NELL1: variants seen among roughly 807,000 people sequenced by gnomAD.
NELL1 encodes protein kinase C-binding protein NELL1.
In NELL1, 76 loss-of-function variants were observed where a neutral mutation model predicts 107.4. The observed-to-expected ratio is 0.71, with a 90% CI of 0.59 to 0.86. NELL1 has a LOEUF of 0.86. Among genes scored for constraint, NELL1 ranks in the 40% least tolerant of loss-of-function variants. The pLI, the probability that NELL1 is intolerant of heterozygous loss-of-function variation, is 0.00. For synonymous variants in NELL1, 353 were observed against 341.2 expected, an observed-to-expected ratio of 1.03 and a Z score of -0.38; for missense variants, 1,024 against 1,005.5, an observed-to-expected ratio of 1.02 and a Z score of -0.25.
chr11:21,440,958 A>G (rs1168422129), intron 15 of NELL1, among the ~76,000 whole-genome samples: 2 of 152,196 alleles, frequency 1.3e-5, no homozygotes, highest in Non-Finnish European at 2.9e-5. Flanking sequence ...TTACCTGAGT[A>G]TGTTATTGAA....
intron 5 of NELL1, among the ~76,000 whole-genome samples, chr11:20,906,997 C>T (rs1300426617): frequency 1.3e-5 from 2 of 151,774 alleles, no homozygotes; most frequent in Admixed American, 6.6e-5. Context: ...TGCAAATGGG[C>T]AAGAAAAATA....
chr11:20,930,647 C>A (rs1850598919), intron 9 of NELL1, among the ~76,000 whole-genome samples: 2 of 152,146 alleles, frequency 1.3e-5, no homozygotes, highest in East Asian at 3.9e-4. Flanking sequence ...TTTCAAGGCC[C>A]TGGATACATA....
At chr11:20,689,143 ATTGT>A (rs1854385306) in intron 2 of NELL1, among the ~76,000 whole-genome samples, 1 of 151,744 alleles carries the variant, frequency 6.6e-6, no homozygotes, top group South Asian at 2.1e-4. Flanking sequence ...TGCTTGTTCA[ATTGT>A]TTAAGTTCCT....
chr11:21,086,556 G>A (rs534792725), intron 12 of NELL1, among the ~76,000 whole-genome samples: 1 of 152,230 alleles, frequency 6.6e-6, no homozygotes, highest in Non-Finnish European at 1.5e-5. Context: ...ATTGGCTTCT[G>A]TCGTTGGATT....
chr11:21,372,891 G>A (rs1399250438), intron 15 of NELL1, among the ~76,000 whole-genome samples: 1 of 151,962 alleles, frequency 6.6e-6, no homozygotes, highest in African/African-American at 2.4e-5. Context: ...CCTTTTCTCT[G>A]CTGAGTAAGT....
At position 20,705,554 on chromosome 11, in the gene NELL1, T is replaced by C. The variant is rs1199027096; in HGVS notation, c.184+27494T>C. On this transcript the variant is annotated intron_variant, in intron 2 of 19. Coordinates refer to ENST00000357134, the MANE Select transcript of NELL1 (RefSeq NM_006157.5). Reference sequence around the variant, plus strand: ...GACTTAAATGTTAGACCTAAAACCATAAAAACCCTAGAAGAAAACCTAGGC... The same window carrying C: ...GACTTAAATGTTAGACCTAAAACCACAAAAACCCTAGAAGAAAACCTAGGC... 7.0e-5 allele frequency among the ~76,000 whole-genome samples: 10 copies of C among 142,974 alleles called. 1 individual carries two copies. The highest frequency in any genetic ancestry group is 2.4e-4 in the African/African-American group (9 of 37,514). 93.8% of individuals were successfully genotyped at this position (142,974 alleles called of 152,430 possible).
intron 15 of NELL1, among the ~76,000 whole-genome samples, chr11:21,503,320 G>A (rs1241532712): frequency 6.6e-6 from 1 of 152,284 alleles, no homozygotes; most frequent in South Asian, 2.1e-4. Context: ...AGAGTAAATT[G>A]AATCTATACA....
intron 2 of NELL1, among the ~76,000 whole-genome samples, chr11:20,746,593 CACACACACACACACGT>C (rs1856009118): frequency 6.8e-6 from 1 of 147,580 alleles, no homozygotes; most frequent in Admixed American, 6.7e-5. Flanking sequence ...CACACACACA[CACACACACACACACGT>C]GGAATTGAAC....
chr11:21,022,753 A>G (rs1852730116), intron 12 of NELL1, among the ~76,000 whole-genome samples: 2 of 152,100 alleles, frequency 1.3e-5, no homozygotes, highest in Admixed American at 6.6e-5. Context: ...CTATCTCTAG[A>G]AAATAGAGAT....
chr11:21,270,028 T>C (rs778471469), intron 14 of NELL1, among the ~76,000 whole-genome samples: 4 of 152,018 alleles, frequency 2.6e-5, no homozygotes, highest in Non-Finnish European at 4.4e-5. Context: ...TCTGTGGCAA[T>C]CGCTTTTTGT....
At chr11:21,163,479 T>C (rs1390327435) in intron 13 of NELL1, among the ~76,000 whole-genome samples, 3 of 152,094 alleles carry the variant, frequency 2.0e-5, no homozygotes, top group African/African-American at 7.2e-5. Flanking sequence ...GTGGGTGGAA[T>C]TGTGTTACCC....
rs1564946275 is a variant in NELL1, at chr11:21,534,459, CA to C, written c.1732del (p.Arg578GlufsTer25). 1 of 1,613,878 alleles carries C rather than the reference CA, an allele frequency of 6.2e-7. No homozygotes were observed. The highest frequency in any genetic ancestry group is 8.5e-7 in the Non-Finnish European group (1 of 1,179,856). ...NLPGWYHCEC[R>X]SGFHDDGTYS... is the part of the protein sequence containing the mutation. The stretch of plus-strand genomic sequence containing the variant: ...TGCCAGGGTGGTACCACTGTGAGTG[CA>C]GAAGCGGTTTCCATGACGATGGGAC... On this transcript the variant is annotated frameshift_variant, in exon 16 of 20. Coordinates refer to ENST00000357134, the MANE Select transcript of NELL1 (RefSeq NM_006157.5). LOFTEE classifies it high-confidence loss of function.
At chr11:21,321,181 A>G (rs1850001520) in intron 14 of NELL1, among the ~76,000 whole-genome samples, 1 of 152,214 alleles carries the variant, frequency 6.6e-6, no homozygotes, top group African/African-American at 2.4e-5. Flanking sequence ...TACATGAGCA[A>G]TGGGATGCTG....
intron 15 of NELL1, among the ~76,000 whole-genome samples, chr11:21,444,379 A>G (rs1051391463): frequency 6.6e-6 from 1 of 152,264 alleles, no homozygotes; most frequent in Admixed American, 6.5e-5. Context: ...ATTTCTTGAT[A>G]TGCACAAGTT....
intron 12 of NELL1, among the ~76,000 whole-genome samples, chr11:21,053,869 A>G (rs1052326971): frequency 6.6e-6 from 1 of 152,212 alleles, no homozygotes; most frequent in Non-Finnish European, 1.5e-5. Context: ...TGTCTCTCTG[A>G]TAAACCAGAT....
intron 2 of NELL1, among the ~76,000 whole-genome samples, chr11:20,722,444 C>T (rs1855414215): frequency 6.6e-6 from 1 of 152,162 alleles, no homozygotes; most frequent in African/African-American, 2.4e-5. Flanking sequence ...ATGTATACTT[C>T]AGTTTCCTCA....
At chr11:21,473,792 A>G (rs796784713) in intron 15 of NELL1, among the ~76,000 whole-genome samples, 29 of 152,186 alleles carry the variant, frequency 1.9e-4, no homozygotes, top group African/African-American at 7.0e-4. Flanking sequence ...ATATTGCAAT[A>G]TTGGAGTCAC....
chr11:21,508,633 TA>T (rs1388473561), intron 15 of NELL1, among the ~76,000 whole-genome samples: 1 of 152,086 alleles, frequency 6.6e-6, no homozygotes, highest in Admixed American at 6.6e-5. Context: ...AATGATTATT[TA>T]AAAAAATATT....
At position 21,314,007 on chromosome 11, in the gene NELL1, C is replaced by A. The variant is rs12785285; in HGVS notation, c.1550-56846C>A. ...CCTACACTCTGCCCCCCCCCCCCCC[C>A]CCGCGACCCCCACTTGCTCCTGCTT... On this transcript the variant is annotated intron_variant, in intron 14 of 19. Transcript: ENST00000357134. 2.7e-3 allele frequency among the ~76,000 whole-genome samples: 201 copies of A among 75,836 alleles called. 9 individuals are homozygous for A. Among genetic ancestry groups the A allele is most frequent in the Middle Eastern group, 7.7e-3 (1 of 130 alleles). The allele number at this position is 75,836 out of a possible 152,430, so 49.8% of individuals were successfully genotyped here.
Sources: allele counts gnomAD v4.1 joint callset (sites outside exome capture counted in the v4.1 genomes callset), GRCh38; gene constraint gnomAD v4.1.1; transcripts MANE v1.5; gene names NCBI Gene and HGNC (gene_info 2026-07-23, HGNC 2026-07-21).